Variants in SULF2 observed in about 807,000 individuals in gnomAD.
SULF2 encodes the protein sulfatase 2.
SULF2 carries 52 observed loss-of-function variants against 107.7 expected under a neutral mutation model. The observed-to-expected ratio is 0.48, with a 90% confidence interval of 0.39 to 0.61. The LOEUF is 0.61. Among genes scored for constraint, SULF2 ranks in the 20% least tolerant of loss-of-function variants. The pLI is 0.00. For missense variants in SULF2, 993 were observed against 1,177.3 expected (o/e 0.84, Z 2.29); for synonymous variants, 460 against 464.3 (o/e 0.99, Z 0.12).
intron 6 of SULF2, 119 bp from the exon 7 acceptor site, chr20:47,683,288 C>A (rs1161700026): frequency 6.8e-6 from 7 of 1,034,020 alleles, no homozygotes; most frequent in Admixed American, 5.7e-5. Flanking sequence ...CAGGTCTTTG[C>A]TCAACTTTCC....
rs533594101 is a variant in SULF2 at position 47,666,031 on chromosome 20, G to A, written c.1806-78C>T. On this transcript the variant is annotated intron_variant, in intron 12 of 20. Transcript: ENST00000688720. The surrounding 1 kb of genome is among the most constrained non-coding windows in gnomAD (Gnocchi z 5.4). Reference sequence around the variant, plus strand: ...CCCAGGTGCCCAAGAGGTGTGGGAAGCCCTTGCCGAGGTCTGTCCTGTCCC... The same window carrying A: ...CCCAGGTGCCCAAGAGGTGTGGGAAACCCTTGCCGAGGTCTGTCCTGTCCC... The A allele has an allele frequency of 2.7e-4, 437 of 1,593,144 alleles. 3 individuals are homozygous for A. The South Asian group carries it at 4.6e-3, about 17-fold the overall frequency.
chr20:47,694,772 C>G lies in SULF2; in HGVS notation c.568-4477G>C, dbSNP rs1198530537. 2.6e-5 allele frequency among the ~76,000 whole-genome samples: 4 copies of G among 152,170 alleles called. No homozygotes were observed. The highest frequency in any genetic ancestry group is 4.4e-5 in the Non-Finnish European group (3 of 68,030). On this transcript the variant is annotated intron_variant, in intron 4 of 20. Transcript: ENST00000688720. The surrounding 1 kb of genome is among the most constrained non-coding windows in gnomAD (Gnocchi z 4.4). ...CTCCGCACCGGGCTTCCCTCCAAGG[C>G]CAAGGCAGTGCGTGTGGGTGGCAGC... is the stretch of plus-strand genomic sequence containing the variant.
chr20:47,782,250 G>T (rs76099414), intron 1 of SULF2, among the ~76,000 whole-genome samples: 2,215 of 152,300 alleles, frequency 0.015, 19 homozygotes, highest in Non-Finnish European at 0.024. Context: ...ACTGTGGCCA[G>T]CCCAGCGCTT....
chr20:47,717,288 C>T (rs1179317071), intron 3 of SULF2, among the ~76,000 whole-genome samples: 1 of 152,144 alleles, frequency 6.6e-6, no homozygotes, highest in Non-Finnish European at 1.5e-5. Context: ...GATGGAGAAA[C>T]TGAGGCACAG....
rs184987513 is a variant in SULF2 at position 47,662,954 on chromosome 20, C to T, written c.2370+116G>A. The stretch of plus-strand genomic sequence containing the variant: ...GCTTCACAACTTACTCCCACCGGCT[C>T]AGGGACTCAGTGGGACTTGGACAAT... On this transcript the variant is annotated intron_variant, in intron 17 of 20. Coordinates refer to ENST00000688720, the MANE Select transcript of SULF2 (RefSeq NM_001387048.1). 1.7e-5 allele frequency: 21 copies of T among 1,204,242 alleles called. No individual in the cohort carries two copies. In the Admixed American group the frequency reaches 1.8e-4, roughly 11 times the overall value. The allele number at this position is 1,204,242 out of a possible 1,614,324, so 74.6% of individuals were successfully genotyped here.
At position 47,663,160 on chromosome 20, in the gene SULF2, C is replaced by T. The variant is rs1425393443; in HGVS notation, c.2280G>A (p.Met760Ile). 6.2e-7 allele frequency: 1 copy of T among 1,614,064 alleles called. No homozygotes were observed. Among genetic ancestry groups the T allele is most frequent in the East Asian group, 2.2e-5 (1 of 44,898 alleles). ...AATTGTGAGTCTCATTGATGGTCCT[C>T]ATGCACCAGTACGTGTTATTGTTGG... ...TSANNNTYWCMRTINETHNFL... is the reference protein window; with the variant it reads ...TSANNNTYWCIRTINETHNFL... Residue 760 changes from methionine (M) to isoleucine (I), a missense_variant, in exon 17 of 21, where the codon ATG (methionine) becomes ATA (isoleucine). Met to Ile is a conservative substitution (Grantham distance 10). This residue lies in a region of SULF2 where 497 missense variants were observed against 544.1 expected (regional missense o/e 0.91). Transcript: ENST00000688720.
chr20:47,659,403 AT>A lies in SULF2; in HGVS notation c.2577del (p.Lys859AsnfsTer38). ...KWPEMKRPSS[K>X]SLGQLWEGWE... ...TAAGCTGGTTCCTCAACTCACAGTG[AT>A]TTGGAAGAAGGTCTCTTCATTTCTG... On this transcript the variant is annotated frameshift_variant, in exon 20 of 21. Transcript: ENST00000688720. LOFTEE classifies it high-confidence loss of function. The A allele has an allele frequency of 6.2e-7, 1 of 1,614,150 alleles. No individual in the cohort carries two copies. The highest frequency in any genetic ancestry group is 8.5e-7 in the Non-Finnish European group (1 of 1,179,970).
chr20:47,663,677 A>G, intron 15 of SULF2, 55 bp from the exon 16 acceptor site: 1 of 1,506,046 alleles, frequency 6.6e-7, no homozygotes, highest in Admixed American at 2.1e-5. Flanking sequence ...CAGTGACCCC[A>G]TGTCTCTGCT....
intron 4 of SULF2, among the ~76,000 whole-genome samples, chr20:47,699,705 T>C (rs746667525): frequency 7.2e-5 from 11 of 152,134 alleles, no homozygotes; most frequent in Middle Eastern, 3.2e-3. Context: ...GCATGCTCAA[T>C]TGATGCAAGA....
chr20:47,670,581 C>T (rs1394991629), intron 11 of SULF2, among the ~76,000 whole-genome samples: 1 of 139,374 alleles, frequency 7.2e-6, no homozygotes, highest in African/African-American at 2.7e-5. Context: ...AGGACAAATA[C>T]TGTACAATTC....
chr20:47,734,404 C>A (rs1246188867), intron 3 of SULF2, among the ~76,000 whole-genome samples: 1 of 152,176 alleles, frequency 6.6e-6, no homozygotes, highest in Non-Finnish European at 1.5e-5. Flanking sequence ...ACAAATCAAT[C>A]TAAAAGGAAA....
chr20:47,730,460 C>CT (rs370744938), intron 3 of SULF2, among the ~76,000 whole-genome samples: 1,918 of 151,690 alleles, frequency 0.013, 38 homozygotes, highest in African/African-American at 0.043. Context: ...GTTGTTGTTA[C>CT]TTTTTTTTTG....
chr20:47,697,898 T>C (rs1044371492), intron 4 of SULF2, among the ~76,000 whole-genome samples: 3 of 152,352 alleles, frequency 2.0e-5, no homozygotes, highest in East Asian at 1.9e-4. Flanking sequence ...TCAGGATATT[T>C]AGAGAATCCG....
intron 8 of SULF2, among the ~76,000 whole-genome samples, chr20:47,677,425 TGTGTGC>T (rs769185946): frequency 2.9e-4 from 42 of 144,972 alleles, no homozygotes; most frequent in East Asian, 6.2e-4. Flanking sequence ...TGTGTGTGTG[TGTGTGC>T]GCGCACACAC....
intron 3 of SULF2, among the ~76,000 whole-genome samples, chr20:47,715,300 G>A (rs2089079913): frequency 1.3e-5 from 2 of 151,890 alleles, no homozygotes; most frequent in African/African-American, 4.8e-5. Flanking sequence ...CACCGCCCAG[G>A]CTCTCCCCTT....
chr20:47,690,231 T>C lies in SULF2; in HGVS notation c.632A>G (p.Tyr211Cys), dbSNP rs1318997632. The change falls in exon 5 of 21, where the codon TAC becomes TGC. Residue 211 changes from tyrosine (Y) to cysteine (C), a missense_variant. Tyr to Cys is a radical substitution (Grantham distance 194). Around this residue, in one of 3 missense-constraint regions of SULF2, gnomAD observed 388 missense variants for 449.2 expected, o/e 0.86. Transcript: ENST00000688720. ...GACCATGAGGACTGGCCTGTGCGGG[T>C]ACATCTTCTTGGACGTGCGGAAGAA... ...VSFFRTSKKMYPHRPVLMVIS... is the reference protein window; with the variant it reads ...VSFFRTSKKMCPHRPVLMVIS... 5 of 1,572,504 alleles carry C rather than the reference T, an allele frequency of 3.2e-6. No individual in the cohort carries two copies. Among genetic ancestry groups the C allele is most frequent in the Admixed American group, 3.6e-5 (2 of 56,330 alleles).
chr20:47,689,157 CA>C (rs1194603945), intron 5 of SULF2, among the ~76,000 whole-genome samples: 1 of 152,176 alleles, frequency 6.6e-6, no homozygotes, highest in African/African-American at 2.4e-5. Flanking sequence ...CTCTGTGCCT[CA>C]GTTTCTTCAT....
At chr20:47,659,542 G>A (rs1471345549) in intron 19 of SULF2, 90 bp from the exon 20 acceptor site, 21 of 1,448,924 alleles carry the variant, frequency 1.4e-5, no homozygotes, top group Non-Finnish European at 2.0e-5. Context: ...AGGTCTCCTA[G>A]GTGACACCTA....
chr20:47,663,317 C>T (rs901321438), intron 16 of SULF2, 105 bp from the exon 17 acceptor site: 3 of 1,580,752 alleles, frequency 1.9e-6, no homozygotes, highest in Non-Finnish European at 2.6e-6. Context: ...TCGTCAAATG[C>T]CAAGAGGCTG....
Sources: allele counts gnomAD v4.1 joint callset (sites outside exome capture counted in the v4.1 genomes callset), GRCh38; gene constraint gnomAD v4.1.1; regional missense constraint gnomAD v4.1.1; non-coding constraint Gnocchi (gnomAD v3.1); transcripts MANE v1.5; gene names NCBI Gene and HGNC (gene_info 2026-07-23, HGNC 2026-07-21).